Variants in SLC29A4 observed in about 807,000 individuals in gnomAD.
SLC29A4 encodes solute carrier family 29 member 4.
Under a neutral mutation model 43.9 loss-of-function variants are expected in SLC29A4, and 36 were observed. The observed-to-expected ratio is 0.82, with a 90% CI of 0.63 to 1.08. SLC29A4 has a LOEUF of 1.08. Among genes scored for constraint, SLC29A4 ranks in the 50% least tolerant of loss-of-function variants. The pLI, the probability that SLC29A4 is intolerant of heterozygous loss-of-function variation, is 0.00. For missense variants in SLC29A4, 869 were observed against 755.3 expected, an observed-to-expected ratio of 1.15 and a Z score of -1.77; for synonymous variants, 491 against 338.0, an observed-to-expected ratio of 1.45 and a Z score of -4.97.
intron 2 of SLC29A4, among the ~76,000 whole-genome samples, chr7:5,289,119 C>A (rs764940397): frequency 6.6e-6 from 1 of 152,104 alleles, no homozygotes. Context: ...GGCTAAGGCT[C>A]GGCACGGTGG....
Position 5,302,893 on chromosome 7 carries a change from G to A in SLC29A4, c.1547G>A (p.Cys516Tyr). Residue 516 changes from cysteine to tyrosine, a missense_variant, in exon 11 of 11, where the codon TGC becomes TAC. Transcript: ENST00000396872. ...YSLTRDAHGSCLHASTANGSI... is the reference protein window; with the variant it reads ...YSLTRDAHGSYLHASTANGSI... ...CTCACCCGCGACGCTCACGGCAGCT[G>A]CCTGCACGCCTCCACCGCCAATGGT... 6.2e-7 allele frequency: 1 copy of A among 1,605,954 alleles called. No homozygotes were observed. Among genetic ancestry groups the A allele is most frequent in the Non-Finnish European group, 8.5e-7 (1 of 1,177,110 alleles).
chr7:5,298,461 T>G (rs1317335636), intron 7 of SLC29A4, among the ~76,000 whole-genome samples: 1 of 151,948 alleles, frequency 6.6e-6, no homozygotes, highest in Non-Finnish European at 1.5e-5. Flanking sequence ...TGGTAGAGGG[T>G]TCACAGGAAT....
At chr7:5,302,613 C>G (rs936916064) in intron 10 of SLC29A4, among the ~76,000 whole-genome samples, 184 bp from the exon 11 acceptor site, 1 of 152,158 alleles carries the variant, frequency 6.6e-6, no homozygotes, top group Non-Finnish European at 1.5e-5. Context: ...AGCAGATGGC[C>G]TCGGGAAGAA....
At chr7:5,302,101 C>T (rs1329659004) in intron 10 of SLC29A4, among the ~76,000 whole-genome samples, 3 of 152,134 alleles carry the variant, frequency 2.0e-5, no homozygotes, top group South Asian at 2.1e-4. Flanking sequence ...TGGATGCCCC[C>T]CACCATACCT....
At position 5,291,227 on chromosome 7, in the gene SLC29A4, G is replaced by A; in HGVS notation, c.405G>A (p.Arg135=). The change falls in exon 4 of 11, where the codon AGG becomes AGA. Residue 135 remains arginine (R), a synonymous_variant. Coordinates refer to ENST00000396872, the MANE Select transcript of SLC29A4 (RefSeq NM_153247.4). The part of the protein sequence containing the change: ...VLVERLTLHT[R]ITAGYLLALG... Reference sequence around the variant, plus strand: ...TGGAGAGACTGACCCTGCACACCAGGATCACCGCAGGTGCGCTGGGCCCCG... The same window carrying A: ...TGGAGAGACTGACCCTGCACACCAGAATCACCGCAGGTGCGCTGGGCCCCG... 1.2e-6 allele frequency: 2 copies of A among 1,612,478 alleles called. No homozygotes were observed. Among genetic ancestry groups the A allele is most frequent in the South Asian group, 1.1e-5 (1 of 91,026 alleles).
intron 5 of SLC29A4, among the ~76,000 whole-genome samples, chr7:5,293,584 G>A (rs758948170): frequency 3.3e-5 from 5 of 152,062 alleles, no homozygotes; most frequent in East Asian, 1.9e-4. Flanking sequence ...TCAAGCCTTC[G>A]TGAACTAATA....
Position 5,291,740 on chromosome 7 carries a change from G to A in SLC29A4, c.463G>A (p.Val155Met), listed in dbSNP as rs202005474. Residue 155 changes from valine to methionine, a missense_variant, in exon 5 of 11, where the codon GTG becomes ATG. Coordinates refer to ENST00000396872, the MANE Select transcript of SLC29A4 (RefSeq NM_153247.4). ...TCTCCTTTTTATCAGCATCTGCGAC[G>A]TGTGGCTGCAGCTCTTCTCTCGGGA... is the stretch of plus-strand genomic sequence containing the variant. ...GPLLFISICD[V>M]WLQLFSRDQA... The A allele has an allele frequency of 2.4e-5, 38 of 1,611,836 alleles. No homozygotes were observed. The highest frequency in any genetic ancestry group is 1.8e-4 in the East Asian group (8 of 44,900).
intron 7 of SLC29A4, among the ~76,000 whole-genome samples, chr7:5,298,370 G>A (rs1785863845): frequency 6.6e-6 from 1 of 152,150 alleles, no homozygotes; most frequent in South Asian, 2.1e-4. Context: ...CAGAGGCTGG[G>A]AGGAGCTCCG....
chr7:5,299,290 C>T lies in SLC29A4; in HGVS notation c.1072C>T (p.Leu358Phe), dbSNP rs1785962598. The change falls in exon 9 of 11, where the codon CTC becomes TTC. Residue 358 changes from leucine to phenylalanine, a missense_variant. Leu to Phe is a conservative substitution (Grantham distance 22). Coordinates refer to ENST00000396872, the MANE Select transcript of SLC29A4 (RefSeq NM_153247.4). ...VVARVIWADM[L>F]SIAVTYFITL... ...GGCGCGGGTGATCTGGGCCGACATGCTCTCCATCGCCGTGACCTACTTCAT... is the reference window on the plus strand; with the variant it reads ...GGCGCGGGTGATCTGGGCCGACATGTTCTCCATCGCCGTGACCTACTTCAT... 1.2e-6 allele frequency: 2 copies of T among 1,611,924 alleles called. No homozygotes were observed.
At chr7:5,286,618 C>T (rs1397274684) in intron 1 of SLC29A4, among the ~76,000 whole-genome samples, 1 of 152,160 alleles carries the variant, frequency 6.6e-6, no homozygotes, top group Non-Finnish European at 1.5e-5. Context: ...CAAGCGTCTC[C>T]ATCACAGATG....
In SLC29A4 at chr7:5,306,819, T is replaced by C. The variant is rs1394627730; in HGVS notation, c.*3880T>C. The C allele has an allele frequency of 6.6e-6, 1 of 151,984 alleles. No homozygotes were observed. Among genetic ancestry groups the C allele is most frequent in the African/African-American group, 2.4e-5 (1 of 41,396 alleles). 9.4% of individuals were successfully genotyped at this position (151,984 alleles called of 1,614,324 possible). On this transcript the variant is annotated 3_prime_UTR_variant, in exon 11 of 11. Transcript: ENST00000396872. ...ATTTTTCCAATTAAATCTTTTCTTT[T>C]TTTTTATGAAAAAAGATCACACAGA... is the stretch of plus-strand genomic sequence containing the variant.
Position 5,291,118 on chromosome 7 carries a change from C to T in SLC29A4, c.302-6C>T. ...CTGAGCACCTGCTGTCTCTGGCCCT[C>T]TGCAGGGACCTCCATCGTGTTTGAC... On this transcript the variant is annotated splice_region_variant and splice_polypyrimidine_tract_variant and intron_variant, in intron 3 of 10. Transcript: ENST00000396872. 6.8e-6 allele frequency: 11 copies of T among 1,613,592 alleles called. No homozygotes were observed. Among genetic ancestry groups the T allele is most frequent in the Non-Finnish European group, 8.5e-6 (10 of 1,179,886 alleles).
chr7:5,297,327 A>T, intron 7 of SLC29A4, 129 bp downstream of exon 7: 1 of 1,062,532 alleles, frequency 9.4e-7, no homozygotes, highest in Non-Finnish European at 1.3e-6. Context: ...TGTGGTGGAG[A>T]CTCCTTCCTG....
intron 5 of SLC29A4, among the ~76,000 whole-genome samples, chr7:5,293,800 C>T (rs1785467449): frequency 6.6e-6 from 1 of 152,128 alleles, no homozygotes; most frequent in Non-Finnish European, 1.5e-5. Flanking sequence ...CCACTGCACC[C>T]AGCTAATTTT....
intron 6 of SLC29A4, 69 bp from the exon 7 acceptor site, chr7:5,296,867 C>T: frequency 4.6e-6 from 6 of 1,310,236 alleles, no homozygotes; most frequent in Middle Eastern, 2.8e-4. Context: ...GTGGACGGGG[C>T]TGGGGCGGGA....
At chr7:5,296,588 C>T (rs1194248548) in intron 6 of SLC29A4, among the ~76,000 whole-genome samples, 6 of 1,756 alleles carry the variant, frequency 3.4e-3, no homozygotes, top group Admixed American at 0.032. Context: ...CAAGCTGAGT[C>T]GGGGGGTGGG....
Position 5,294,904 on chromosome 7 carries a change from C to G in SLC29A4, c.589C>G (p.Arg197Gly). The change falls in exon 6 of 11, where the codon CGG becomes GGG. Residue 197 changes from arginine to glycine, a missense_variant. Arg to Gly is a moderately radical substitution (Grantham distance 125). Transcript: ENST00000396872. ...CGGGTACACGGGGATGCTGCCCAAGCGGTACACGCAGGGGGTGATGACCGG... is the reference window on the plus strand; with the variant it reads ...CGGGTACACGGGGATGCTGCCCAAGGGGTACACGCAGGGGGTGATGACCGG... ...FYGYTGMLPK[R>G]YTQGVMTGES... 1 of 1,610,900 alleles carries G rather than the reference C, an allele frequency of 6.2e-7. No homozygotes were observed. The highest frequency in any genetic ancestry group is 8.5e-7 in the Non-Finnish European group (1 of 1,179,078).
chr7:5,302,829 C>A lies in SLC29A4; in HGVS notation c.1483C>A (p.Leu495Met). 1 of 1,573,180 alleles carries A rather than the reference C, an allele frequency of 6.4e-7. No individual in the cohort carries two copies. The highest frequency in any genetic ancestry group is 1.2e-5 in the South Asian group (1 of 85,698). ...CATGACCGTGTCCTACATGTCAGGG[C>A]TGACGCTGGGGTCCGCCGTGGCCTA... ...NTMTVSYMSG[L>M]TLGSAVAYCT... The change falls in exon 11 of 11, where the codon CTG (leucine) becomes ATG (methionine). Residue 495 changes from leucine to methionine, a missense_variant. Coordinates refer to ENST00000396872, the MANE Select transcript of SLC29A4 (RefSeq NM_153247.4).
intron 10 of SLC29A4, 46 bp downstream of exon 10, chr7:5,300,708 C>T: frequency 1.9e-6 from 3 of 1,587,202 alleles, no homozygotes; most frequent in Non-Finnish European, 2.6e-6. Flanking sequence ...CCCAGCAGCG[C>T]AATGCCCCCC....
Sources: allele counts gnomAD v4.1 joint callset (sites outside exome capture counted in the v4.1 genomes callset), GRCh38; gene constraint gnomAD v4.1.1; transcripts MANE v1.5; gene names NCBI Gene and HGNC (gene_info 2026-07-23, HGNC 2026-07-21).